The following ADGB variants were observed in gnomAD, a reference collection of about 807,000 sequenced individuals.
The protein encoded by ADGB is calpain-7-like protein.
ADGB carries 172 observed loss-of-function variants against 210.5 expected under a neutral mutation model. That is an observed-to-expected ratio of 0.82 (90% CI 0.72 to 0.93). The LOEUF is 0.93. ADGB is among the 40% of genes least tolerant of loss of function. ADGB has a pLI of 0.00. For missense variants in ADGB, 2,025 were observed against 1,964.8 expected, an observed-to-expected ratio of 1.03 and a Z score of -0.58; for synonymous variants, 658 against 662.7, an observed-to-expected ratio of 0.99 and a Z score of 0.11.
intron 27 of ADGB, 49 bp downstream of exon 27, chr6:146,752,763 T>A (rs1178855000): frequency 1.3e-5 from 19 of 1,436,350 alleles, no homozygotes; most frequent in Non-Finnish European, 1.7e-5. Flanking sequence ...AATGGATATT[T>A]ATGTTTTCAT....
At chr6:146,755,064 A>G in intron 27 of ADGB, among the ~76,000 whole-genome samples, 1 of 152,072 alleles carries the variant, frequency 6.6e-6, no homozygotes, top group East Asian at 1.9e-4. Context: ...CTAGTTATGT[A>G]AGTTTCATAT....
intron 18 of ADGB, 62 bp downstream of exon 18, chr6:146,724,389 T>C: frequency 6.8e-7 from 1 of 1,461,478 alleles, no homozygotes; most frequent in Non-Finnish European, 9.1e-7. Flanking sequence ...AATTGTTGGT[T>C]ACTAAAGAAG....
At chr6:146,730,165 A>G (rs1050359745) in intron 20 of ADGB, among the ~76,000 whole-genome samples, 3 of 152,214 alleles carry the variant, frequency 2.0e-5, no homozygotes, top group Admixed American at 6.5e-5. Context: ...TTACTTATAT[A>G]AAAATTTATT....
intron 8 of ADGB, 123 bp from the exon 9 acceptor site, chr6:146,676,190 G>A: frequency 1.2e-6 from 1 of 845,508 alleles, no homozygotes; most frequent in Non-Finnish European, 1.7e-6. Flanking sequence ...AGAAATTATG[G>A]CATAATTTTA....
chr6:146,625,425 G>T, intron 1 of ADGB, among the ~76,000 whole-genome samples: 1 of 151,244 alleles, frequency 6.6e-6, no homozygotes, highest in Admixed American at 6.6e-5. Context: ...TTTTATTATT[G>T]ACATCTTTAT....
chr6:146,641,879 T>C (rs1688281018), intron 2 of ADGB, among the ~76,000 whole-genome samples: 1 of 151,878 alleles, frequency 6.6e-6, no homozygotes, highest in South Asian at 2.1e-4. Flanking sequence ...CAAAAGCAAT[T>C]GCAACAAAAG....
chr6:146,616,628 G>T (rs1310153446), intron 1 of ADGB, among the ~76,000 whole-genome samples: 2 of 152,048 alleles, frequency 1.3e-5, no homozygotes, highest in African/African-American at 4.8e-5. Flanking sequence ...TGGGGGTCTA[G>T]TTTCATTTTT....
At position 146,698,803 on chromosome 6, in the gene ADGB, A is replaced by G. The variant is rs551651769; in HGVS notation, c.1578-2138A>G. Among the ~76,000 whole-genome samples, 6 of 152,168 alleles carry G rather than the reference A, an allele frequency of 3.9e-5. No homozygotes were observed. In the South Asian group the frequency reaches 1.0e-3, roughly 26 times the overall value. On this transcript the variant is annotated intron_variant, in intron 12 of 35. Coordinates refer to ENST00000397944, the MANE Select transcript of ADGB (RefSeq NM_024694.4). ...TTGCTCTGTTACCCGGCTGGTCTCA[A>G]ACTTCTGAGTTTGAGGCAAGTGGTG...
At chr6:146,606,144 G>A (rs536009196) in intron 1 of ADGB, among the ~76,000 whole-genome samples, 105 of 152,208 alleles carry the variant, frequency 6.9e-4, no homozygotes, top group African/African-American at 2.5e-3. Context: ...GTATTTCACT[G>A]TGGTTTTGAT....
intron 5 of ADGB, among the ~76,000 whole-genome samples, chr6:146,660,159 G>A (rs1010223741): frequency 6.8e-4 from 104 of 152,148 alleles, no homozygotes; most frequent in African/African-American, 2.4e-3. Flanking sequence ...TGAATTTCCA[G>A]GGTAGAGCCT....
intron 20 of ADGB, among the ~76,000 whole-genome samples, chr6:146,731,124 C>G (rs948855037): frequency 1.3e-5 from 2 of 152,094 alleles, no homozygotes; most frequent in African/African-American, 2.4e-5. Flanking sequence ...TGTACTTCCC[C>G]TTACAGTGTA....
intron 25 of ADGB, 37 bp downstream of exon 25, chr6:146,741,308 G>A: frequency 6.5e-7 from 1 of 1,544,042 alleles, no homozygotes; most frequent in Middle Eastern, 1.7e-4. Flanking sequence ...ATGATAGAAT[G>A]GCAGTGAAAA....
rs1776746851 is a variant in ADGB, at chr6:146,717,083, T to C, written c.1928+14T>C. On this transcript the variant is annotated intron_variant, in intron 15 of 35. Coordinates refer to ENST00000397944, the MANE Select transcript of ADGB (RefSeq NM_024694.4). ...TGTATGCTTTCAGTAAGTATACCAATGGGATCAATCTGACTATGTCGTAGT... is the reference window on the plus strand; with the variant it reads ...TGTATGCTTTCAGTAAGTATACCAACGGGATCAATCTGACTATGTCGTAGT... 1.9e-6 allele frequency: 3 copies of C among 1,541,928 alleles called. No individual in the cohort carries two copies. Among genetic ancestry groups the C allele is most frequent in the African/African-American group, 2.7e-5 (2 of 72,972 alleles).
At chr6:146,813,383 C>T (rs900585030) in intron 35 of ADGB, among the ~76,000 whole-genome samples, 8 of 152,094 alleles carry the variant, frequency 5.3e-5, no homozygotes, top group African/African-American at 1.7e-4. Context: ...CCTGTGCCAA[C>T]CATACAGATC....
chr6:146,786,008 C>G (rs259392), intron 32 of ADGB, among the ~76,000 whole-genome samples: 9,764 of 151,444 alleles, frequency 0.064, 324 homozygotes, highest in Middle Eastern at 0.082. Flanking sequence ...ATGATGCAAC[C>G]TAGTTAGAAA....
In ADGB at chr6:146,623,645, G is replaced by T. The variant is rs751145264; in HGVS notation, c.75-11730G>T. On this transcript the variant is annotated intron_variant, in intron 1 of 35. Coordinates refer to ENST00000397944, the MANE Select transcript of ADGB (RefSeq NM_024694.4). ...AATCATGTCATCTGCAAATGAGAAT[G>T]TATATTCTTGTCCTATTTCTAATTA... Among the ~76,000 whole-genome samples, 7 of 151,954 alleles carry T rather than the reference G, an allele frequency of 4.6e-5. No individual in the cohort carries two copies. The South Asian group carries it at 1.5e-3, about 31-fold the overall frequency.
At chr6:146,713,912 CTTGTA>C (rs1457342223) in intron 13 of ADGB, among the ~76,000 whole-genome samples, 2 of 151,998 alleles carry the variant, frequency 1.3e-5, no homozygotes, top group African/African-American at 4.8e-5. Context: ...GTGCCTAAAG[CTTGTA>C]TTGTTTATGC....
At chr6:146,799,421 C>G (rs1778091575) in intron 33 of ADGB, among the ~76,000 whole-genome samples, 1 of 151,518 alleles carries the variant, frequency 6.6e-6, no homozygotes, top group Non-Finnish European at 1.5e-5. Flanking sequence ...GTAATCCCAG[C>G]TACTTGGGAG....
intron 1 of ADGB, among the ~76,000 whole-genome samples, chr6:146,615,528 A>T (rs918646691): frequency 4.6e-5 from 7 of 152,146 alleles, no homozygotes; most frequent in African/African-American, 1.4e-4. Context: ...AAACACTAAA[A>T]CTTACTCCTT....
Sources: allele counts gnomAD v4.1 joint callset (sites outside exome capture counted in the v4.1 genomes callset), GRCh38; gene constraint gnomAD v4.1.1; transcripts MANE v1.5; gene names NCBI Gene and HGNC (gene_info 2026-07-23, HGNC 2026-07-21).